Variants in UBAP2 observed in about 807,000 individuals in gnomAD.
The protein encoded by UBAP2 is ubiquitin associated protein 2.
A neutral mutation model predicts 139.6 loss-of-function variants in UBAP2; 75 were observed. The observed-to-expected ratio is 0.54, with a 90% CI of 0.45 to 0.65. UBAP2 has a LOEUF of 0.65. Among genes scored for constraint, UBAP2 ranks in the 30% least tolerant of loss-of-function variants. UBAP2 has a pLI of 0.00. For synonymous variants in UBAP2, 526 were observed against 526.2 expected (o/e 1.00, Z 0.01); for missense variants, 1,368 against 1,369.6 (o/e 1.00, Z 0.02).
chr9:34,035,514 A>AAAAAAAAAAAAAATATATATATATAT, intron 1 of UBAP2, among the ~76,000 whole-genome samples: 5 of 22,486 alleles, frequency 2.2e-4, no homozygotes, highest in South Asian at 9.7e-4. Flanking sequence ...AAAAAAAAAA[A>AAAAAAAAAAAAAATATATATATATAT]ATATATATAT....
intron 10 of UBAP2, 102 bp downstream of exon 10, chr9:33,960,724 G>T: frequency 8.7e-7 from 1 of 1,144,716 alleles, no homozygotes; most frequent in Non-Finnish European, 1.3e-6. Context: ...AGGTTGCAAT[G>T]AGCCAAGATC....
chr9:34,028,808 A>G (rs1564070469), intron 1 of UBAP2, among the ~76,000 whole-genome samples: 1 of 151,236 alleles, frequency 6.6e-6, no homozygotes, highest in Non-Finnish European at 1.5e-5. Context: ...ACAAAAAGGA[A>G]AAAAAAAAGC....
At chr9:34,007,784 A>AC (rs1215275343) in intron 2 of UBAP2, among the ~76,000 whole-genome samples, 1 of 151,086 alleles carries the variant, frequency 6.6e-6, no homozygotes, top group Non-Finnish European at 1.5e-5. Context: ...GACTACAGGC[A>AC]CCCGCCACCA....
chr9:33,930,134 T>C (rs1479731545), intron 19 of UBAP2, among the ~76,000 whole-genome samples: 1 of 152,256 alleles, frequency 6.6e-6, no homozygotes, highest in Non-Finnish European at 1.5e-5. Context: ...GGGCCATTTT[T>C]CTGCTAACAT....
chr9:34,038,402 C>T (rs1300827930), intron 1 of UBAP2, among the ~76,000 whole-genome samples: 2 of 152,232 alleles, frequency 1.3e-5, no homozygotes, highest in African/African-American at 2.4e-5. Flanking sequence ...CCTGCCTCGG[C>T]CTGCCAAGTG....
intron 5 of UBAP2, among the ~76,000 whole-genome samples, chr9:33,987,445 A>G (rs991773535): frequency 6.6e-6 from 1 of 152,024 alleles, no homozygotes; most frequent in African/African-American, 2.4e-5. Flanking sequence ...ACAAAAAAAT[A>G]CAAAAATTAT....
intron 2 of UBAP2, among the ~76,000 whole-genome samples, chr9:34,005,647 AAAAAGGAAAT>A (rs78787954): frequency 0.6 from 90,316 of 151,146 alleles, 27,344 homozygotes; most frequent in East Asian, 0.81. Flanking sequence ...TTTTTCCTGT[AAAAAGGAAAT>A]AAAAGGAAAG....
rs769654000 is a variant in UBAP2 at position 33,923,172 on chromosome 9, G to A, written c.3004+14C>T. ...ACTCCAGGCCTTATCCTGGAAAGGAGAGGTAAACACTACCTTTGCCAGGCC... is the reference window on the plus strand; with the variant it reads ...ACTCCAGGCCTTATCCTGGAAAGGAAAGGTAAACACTACCTTTGCCAGGCC... On this transcript the variant is annotated intron_variant, in intron 26 of 28. Coordinates refer to ENST00000379238, the MANE Select transcript of UBAP2 (RefSeq NM_001370062.2). 13 of 1,613,810 alleles carry A rather than the reference G, an allele frequency of 8.1e-6. No individual in the cohort carries two copies. The highest frequency in any genetic ancestry group is 1.7e-5 in the Admixed American group (1 of 60,012).
chr9:33,968,024 T>TG (rs1827600189), intron 8 of UBAP2: 4 of 381,156 alleles, frequency 1.0e-5, no homozygotes, highest in South Asian at 9.9e-5. Flanking sequence ...AAAACTTCAT[T>TG]GACAGGAACA....
chr9:33,933,389 A>C, intron 18 of UBAP2, 101 bp downstream of exon 18: 1 of 1,348,614 alleles, frequency 7.4e-7, no homozygotes, highest in Non-Finnish European at 1.0e-6. Context: ...ACATCACGTC[A>C]GAGACAACAA....
rs192343934 is a variant in UBAP2 at position 34,034,316 on chromosome 9, C to A, written c.-42+14509G>T. 3.0e-3 allele frequency among the ~76,000 whole-genome samples: 455 copies of A among 152,228 alleles called. 4 individuals are homozygous for A. Among genetic ancestry groups the A allele is most frequent in the African/African-American group, 0.011 (444 of 41,542 alleles). On this transcript the variant is annotated intron_variant, in intron 1 of 28. Transcript: ENST00000379238. ...TCCTCATGAATCCAGGATATCAAGT[C>A]CTGGTTTTTCTTTTTTTAGTAAAAG... is the stretch of plus-strand genomic sequence containing the variant.
chr9:34,014,324 CAAAAAA>C lies in UBAP2; in HGVS notation c.99+2720_99+2725del, dbSNP rs1170182976. Reference sequence around the variant, plus strand: ...ACTGGGCTACAGAGCGAGACTGTCTCAAAAAAAAAAAAAAAAAAAAAAAAGGTCAGG... The same window carrying C: ...ACTGGGCTACAGAGCGAGACTGTCTCAAAAAAAAAAAAAAAAAAGGTCAGG... On this transcript the variant is annotated intron_variant, in intron 2 of 28. Transcript: ENST00000379238. 2.9e-3 allele frequency among the ~76,000 whole-genome samples: 160 copies of C among 55,678 alleles called. 1 individual carries two copies. Among genetic ancestry groups the C allele is most frequent in the Non-Finnish European group, 1.9e-3 (64 of 33,182 alleles). The allele number at this position is 55,678 out of a possible 152,430, so 36.5% of individuals were successfully genotyped here.
At chr9:34,027,159 C>T (rs866418664) in intron 1 of UBAP2, among the ~76,000 whole-genome samples, 12 of 38,762 alleles carry the variant, frequency 3.1e-4, no homozygotes, top group African/African-American at 8.3e-4. Context: ...TTTATTCATA[C>T]CTGCAGAAGA....
At chr9:33,966,814 ATT>A (rs1564034470) in intron 8 of UBAP2, among the ~76,000 whole-genome samples, 1 of 152,206 alleles carries the variant, frequency 6.6e-6, no homozygotes, top group African/African-American at 2.4e-5. Context: ...TTCTATATGC[ATT>A]TGTTAGAATT....
chr9:33,927,144 G>T (rs1367086650), intron 20 of UBAP2, 64 bp from the exon 21 acceptor site: 2 of 1,297,564 alleles, frequency 1.5e-6, no homozygotes, highest in African/African-American at 1.5e-5. Flanking sequence ...GTCCTCAGCT[G>T]CTTCAGGAGG....
rs559738434 is a variant in UBAP2, at chr9:34,024,089, T to C, written c.-41-6900A>G. Among the ~76,000 whole-genome samples, 4 of 151,698 alleles carry C rather than the reference T, an allele frequency of 2.6e-5. No homozygotes were observed. In the East Asian group the frequency reaches 7.8e-4, roughly 29 times the overall value. ...ATAGCAAATACAAGGATGGGCGCGGTGGCACACGCCTGTAATCCCAGCATT... is the reference window on the plus strand; with the variant it reads ...ATAGCAAATACAAGGATGGGCGCGGCGGCACACGCCTGTAATCCCAGCATT... On this transcript the variant is annotated intron_variant, in intron 1 of 28. Coordinates refer to ENST00000379238, the MANE Select transcript of UBAP2 (RefSeq NM_001370062.2).
intron 13 of UBAP2, among the ~76,000 whole-genome samples, chr9:33,945,803 T>C (rs1825616220): frequency 6.6e-6 from 1 of 152,200 alleles, no homozygotes; most frequent in African/African-American, 2.4e-5. Flanking sequence ...CTAGTACACA[T>C]AGGTATCATT....
chr9:34,012,552 G>A (rs1823850393), intron 2 of UBAP2, among the ~76,000 whole-genome samples: 1 of 148,480 alleles, frequency 6.7e-6, no homozygotes, highest in African/African-American at 2.5e-5. Context: ...GGCATTATGA[G>A]GACCATTGAA....
intron 1 of UBAP2, among the ~76,000 whole-genome samples, chr9:34,031,731 G>A (rs1825904930): frequency 6.6e-6 from 1 of 150,786 alleles, no homozygotes. Flanking sequence ...GCTTCACTGA[G>A]CTGAGATCAC....
Sources: gnomAD v4.1 joint callset for allele counts (sites outside exome capture counted in the v4.1 genomes callset) on GRCh38, gnomAD v4.1.1 for gene constraint, MANE v1.5 for transcripts, NCBI Gene and HGNC (gene_info 2026-07-23, HGNC 2026-07-21) for gene names.